The following TRPC4 variants were observed in gnomAD, a reference collection of about 807,000 sequenced individuals.
TRPC4 encodes short transient receptor potential channel 4.
A neutral mutation model predicts 99.4 loss-of-function variants in TRPC4; 49 were observed. The ratio of observed to expected loss-of-function variants is 0.49; its 90% confidence interval spans 0.39 to 0.63. The LOEUF is 0.63. Among genes scored for constraint, TRPC4 ranks in the 20% least tolerant of loss-of-function variants. The pLI is 0.00. For synonymous variants in TRPC4, 454 were observed against 425.9 expected (o/e 1.07, Z -0.81); for missense variants, 898 against 1,152.9 (o/e 0.78, Z 3.20).
At chr13:37,688,815 T>A (rs1333787551) in intron 4 of TRPC4, among the ~76,000 whole-genome samples, 1 of 151,148 alleles carries the variant, frequency 6.6e-6, no homozygotes, top group African/African-American at 2.5e-5. Flanking sequence ...ACTGAGACAA[T>A]TAACATGATG....
intron 5 of TRPC4, among the ~76,000 whole-genome samples, chr13:37,667,376 G>A (rs142689109): frequency 0.012 from 1,789 of 152,144 alleles, 41 homozygotes; most frequent in African/African-American, 0.04. Flanking sequence ...CCGCAATCTC[G>A]GCTCACTGCA....
At position 37,784,549 on chromosome 13, in the gene TRPC4, T is replaced by C. The variant is rs1956923841; in HGVS notation, c.-27-1189A>G. 3.3e-5 allele frequency among the ~76,000 whole-genome samples: 5 copies of C among 152,082 alleles called. No individual in the cohort carries two copies. In the South Asian group the frequency reaches 1.0e-3, roughly 32 times the overall value. On this transcript the variant is annotated intron_variant, in intron 1 of 10. Transcript: ENST00000379705. ...TAACCTATTTTACTTTTCTATGTTA[T>C]TGAAATTGAACTCACATATTTATTT... is the stretch of plus-strand genomic sequence containing the variant.
At chr13:37,665,540 G>A (rs951614771) in intron 5 of TRPC4, among the ~76,000 whole-genome samples, 4 of 152,074 alleles carry the variant, frequency 2.6e-5, no homozygotes, top group African/African-American at 9.7e-5. Flanking sequence ...GCCCGGTGAG[G>A]CAGACAGGCA....
At chr13:37,833,061 CT>C in intron 1 of TRPC4, among the ~76,000 whole-genome samples, 1 of 151,852 alleles carries the variant, frequency 6.6e-6, no homozygotes, top group Non-Finnish European at 1.5e-5. Flanking sequence ...GTTCATAGTT[CT>C]TTTTTCTTGT....
chr13:37,794,567 C>T (rs899007640), intron 1 of TRPC4, among the ~76,000 whole-genome samples: 4 of 152,108 alleles, frequency 2.6e-5, no homozygotes, highest in African/African-American at 7.2e-5. Context: ...GATTCAATAA[C>T]CAGATGGGTA....
At chr13:37,653,459 A>AAGGC (rs1566070553) in intron 7 of TRPC4, among the ~76,000 whole-genome samples, 1 of 152,112 alleles carries the variant, frequency 6.6e-6, no homozygotes, top group African/African-American at 2.4e-5. Context: ...GAAAGGAAGG[A>AAGGC]AGGAAGGAAG....
intron 3 of TRPC4, among the ~76,000 whole-genome samples, chr13:37,703,245 ACAGGTACATAAAATT>A (rs374050242): frequency 1.2e-4 from 18 of 152,272 alleles, no homozygotes; most frequent in African/African-American, 4.3e-4. Context: ...TGAAAGCCAC[ACAGGTACATAAAATT>A]CAATAAGTTC....
chr13:37,847,233 A>T lies in TRPC4; in HGVS notation c.-28+22362T>A, dbSNP rs529186899. On this transcript the variant is annotated intron_variant, in intron 1 of 10. Coordinates refer to ENST00000379705, the MANE Select transcript of TRPC4 (RefSeq NM_016179.4). ...CAATATTCTACTCAACAGCAACAGG[A>T]TTCACATTCTTCTCAAGTGCATATG... is the stretch of plus-strand genomic sequence containing the variant. Among the ~76,000 whole-genome samples the T allele has an allele frequency of 2.6e-5, 4 of 152,214 alleles. No homozygotes were observed. The South Asian group carries it at 6.2e-4, about 24-fold the overall frequency.
At chr13:37,842,279 A>G (rs186781318) in intron 1 of TRPC4, among the ~76,000 whole-genome samples, 79 of 149,858 alleles carry the variant, frequency 5.3e-4, no homozygotes, top group Middle Eastern at 3.4e-3. Context: ...CAAAAAAAAA[A>G]AAAAAACCTT....
At position 37,633,044 on chromosome 13, in the gene TRPC4, C is replaced by T. The variant is rs192222148; in HGVS notation, c.*3859G>A. Among the ~76,000 whole-genome samples the T allele has an allele frequency of 1.4e-3, 218 of 152,104 alleles. 1 individual carries two copies. The highest frequency in any genetic ancestry group is 5.1e-3 in the African/African-American group (212 of 41,514). The stretch of plus-strand genomic sequence containing the variant: ...ACACATGGGTAAATTTAGATAATTT[C>T]CATAAATTCCCTGGGCTTTACTTTC... On this transcript the variant is annotated 3_prime_UTR_variant, in exon 11 of 11. Transcript: ENST00000379705.
intron 1 of TRPC4, among the ~76,000 whole-genome samples, chr13:37,805,693 A>G (rs1354306414): frequency 1.3e-5 from 2 of 152,022 alleles, no homozygotes; most frequent in Admixed American, 6.6e-5. Context: ...AAATACACCC[A>G]TAATTATAAA....
Position 37,780,716 on chromosome 13 carries a change from T to C in TRPC4, c.378+2240A>G, listed in dbSNP as rs74334977. On this transcript the variant is annotated intron_variant, in intron 2 of 10. Transcript: ENST00000379705. ...ATACGGCCCAAGCACTGAGGCCATC[T>C]TTGTGTGCTATGCACGTTTCATGTT... Among the ~76,000 whole-genome samples the C allele has an allele frequency of 8.4e-3, 1,275 of 152,194 alleles. 6 individuals are homozygous for C. The highest frequency in any genetic ancestry group is 0.024 in the Middle Eastern group (7 of 294).
intron 5 of TRPC4, among the ~76,000 whole-genome samples, chr13:37,673,854 C>G (rs1027086240): frequency 6.6e-6 from 1 of 152,060 alleles, no homozygotes; most frequent in African/African-American, 2.4e-5. Flanking sequence ...GAAATTTTAT[C>G]TATTAGTTAT....
intron 4 of TRPC4, among the ~76,000 whole-genome samples, chr13:37,674,755 G>C (rs908341986): frequency 1.3e-5 from 2 of 152,114 alleles, no homozygotes; most frequent in Non-Finnish European, 2.9e-5. Context: ...ATGAAAATCA[G>C]TGTATCTAGC....
Position 37,663,498 on chromosome 13 carries a change from G to A in TRPC4, c.1606C>T (p.Gln536Ter), listed in dbSNP as rs894614140. Residue 536 changes from glutamine (Q) to a stop codon, truncating the protein, a stop_gained, in exon 6 of 11, where the codon CAA becomes TAA. Coordinates refer to ENST00000379705, the MANE Select transcript of TRPC4 (RefSeq NM_016179.4). LOFTEE classifies it high-confidence loss of function. ...GTTTCTTCATAATAGAAGTACAATTGATTTAGGCCATTTGCAAATGCTAGC... is the reference window on the plus strand; with the variant it reads ...GTTTCTTCATAATAGAAGTACAATTAATTTAGGCCATTTGCAAATGCTAGC... Reference protein sequence around the residue: ...VLLAFANGLNQLYFYYEETKG... With the variant: ...VLLAFANGLN The A allele has an allele frequency of 6.2e-7, 1 of 1,614,166 alleles. No individual in the cohort carries two copies. Among genetic ancestry groups the A allele is most frequent in the Non-Finnish European group, 8.5e-7 (1 of 1,180,020 alleles).
intron 10 of TRPC4, among the ~76,000 whole-genome samples, chr13:37,638,123 C>T (rs1278340075): frequency 1.4e-4 from 21 of 152,150 alleles, no homozygotes; most frequent in Non-Finnish European, 1.5e-5. Context: ...GGGTCAGCCT[C>T]TACATCCTGG....
intron 4 of TRPC4, among the ~76,000 whole-genome samples, chr13:37,691,081 G>A: frequency 6.6e-6 from 1 of 152,014 alleles, no homozygotes; most frequent in East Asian, 1.9e-4. Flanking sequence ...AGGAAAACAA[G>A]GTTTTCACTA....
chr13:37,696,030 C>T (rs970045926), intron 3 of TRPC4, among the ~76,000 whole-genome samples: 7 of 152,166 alleles, frequency 4.6e-5, no homozygotes, highest in African/African-American at 1.7e-4. Flanking sequence ...CGAAACTGGG[C>T]ACTTTACAGA....
chr13:37,725,801 G>A (rs1002537076), intron 3 of TRPC4, among the ~76,000 whole-genome samples: 6 of 152,136 alleles, frequency 3.9e-5, no homozygotes, highest in African/African-American at 1.4e-4. Flanking sequence ...GACCAGCTCT[G>A]CAAGAAATGC....
Sources: allele counts gnomAD v4.1 joint callset (sites outside exome capture counted in the v4.1 genomes callset), GRCh38; gene constraint gnomAD v4.1.1; transcripts MANE v1.5; gene names NCBI Gene and HGNC (gene_info 2026-07-23, HGNC 2026-07-21).